Variants in TNRC6A observed in about 807,000 individuals in gnomAD.
TNRC6A encodes trinucleotide repeat containing adaptor 6A.
Under a neutral mutation model 221.2 loss-of-function variants are expected in TNRC6A, and 44 were observed. The ratio of observed to expected loss-of-function variants is 0.20; its 90% CI spans 0.16 to 0.26. The LOEUF (loss-of-function observed/expected upper bound fraction) is 0.26, where lower values mean the gene tolerates loss of function less well. Ranked by LOEUF, TNRC6A falls within the 10% of genes least tolerant of loss-of-function variation. The pLI, the probability that TNRC6A is intolerant of heterozygous loss-of-function variation, is 1.00. For missense variants in TNRC6A, 2,199 were observed against 2,404.4 expected, an observed-to-expected ratio of 0.91 and a Z score of 1.79; for synonymous variants, 847 against 838.5, an observed-to-expected ratio of 1.01 and a Z score of -0.18.
At chr16:24,647,483 G>A (rs1188464521) in intron 2 of TNRC6A, among the ~76,000 whole-genome samples, 1 of 151,938 alleles carries the variant, frequency 6.6e-6, no homozygotes, top group Non-Finnish European at 1.5e-5. Flanking sequence ...TTCTCATTGT[G>A]GTAAAATATA....
At chr16:24,685,571 T>A (rs2142085305) in intron 2 of TNRC6A, among the ~76,000 whole-genome samples, 1 of 152,320 alleles carries the variant, frequency 6.6e-6, no homozygotes, top group Admixed American at 6.5e-5. Flanking sequence ...ACTCCTGGAC[T>A]CAAGCGATCT....
intron 2 of TNRC6A, among the ~76,000 whole-genome samples, chr16:24,683,679 G>A (rs942160403): frequency 5.9e-5 from 9 of 152,156 alleles, no homozygotes; most frequent in Non-Finnish European, 1.0e-4. Context: ...TTCTGCCACC[G>A]ACTAGCTGTG....
intron 1 of TNRC6A, 24 bp from the exon 2 acceptor site, chr16:24,730,229 T>G (rs1161258780): frequency 1.8e-5 from 29 of 1,597,978 alleles, no homozygotes; most frequent in Non-Finnish European, 2.2e-5. Flanking sequence ...TTGTTTTGTT[T>G]TTGTTTTTGT....
chr16:24,636,952 A>G lies in TNRC6A; in HGVS notation n.277-3932A>G, dbSNP rs143475781. ...TTCATGGCTGTGGTATAGATATTAC[A>G]GTAAGAGAGCCATACCTGGGGCCCC... On this transcript the variant is annotated intron_variant and non_coding_transcript_variant, in intron 1 of 2. Transcript: ENST00000566108. Among the ~76,000 whole-genome samples the G allele has an allele frequency of 1.3e-3, 204 of 152,310 alleles. 1 individual carries two copies. Among genetic ancestry groups the G allele is most frequent in the African/African-American group, 4.6e-3 (191 of 41,578 alleles).
chr16:24,807,138 T>C (rs754706190), intron 17 of TNRC6A, among the ~76,000 whole-genome samples: 3 of 152,052 alleles, frequency 2.0e-5, no homozygotes, highest in Non-Finnish European at 4.4e-5. Flanking sequence ...CCCGAGTAGC[T>C]GGGATTACAG....
chr16:24,625,384 C>T (rs949837063), intron 1 of TNRC6A, among the ~76,000 whole-genome samples: 3 of 152,134 alleles, frequency 2.0e-5, no homozygotes, highest in East Asian at 3.9e-4. Flanking sequence ...GAGGCCAAGG[C>T]GGGCGGATCA....
At chr16:24,782,873 CA>C (rs1207460507) in intron 5 of TNRC6A, among the ~76,000 whole-genome samples, 1 of 151,404 alleles carries the variant, frequency 6.6e-6, no homozygotes, top group Non-Finnish European at 1.5e-5. Context: ...CTCCGTCTGA[CA>C]AAAAAAAGAG....
At chr16:24,720,985 G>T (rs1227883844) in intron 2 of TNRC6A, among the ~76,000 whole-genome samples, 1 of 152,236 alleles carries the variant, frequency 6.6e-6, no homozygotes, top group East Asian at 1.9e-4. Flanking sequence ...AACCCGGGAG[G>T]TGGAGCTTGC....
At chr16:24,611,338 G>T (rs573161914) in intron 1 of TNRC6A, among the ~76,000 whole-genome samples, 4 of 152,122 alleles carry the variant, frequency 2.6e-5, no homozygotes, top group South Asian at 4.1e-4. Context: ...CCCAGTTCCC[G>T]CTGTGTGTAC....
chr16:24,776,911 C>G (rs1313037148), intron 4 of TNRC6A, 22 bp from the exon 5 acceptor site: 1 of 1,596,138 alleles, frequency 6.3e-7, no homozygotes, highest in Non-Finnish European at 8.6e-7. Flanking sequence ...CTTTTCCACC[C>G]CTTTTCTTTT....
intron 3 of TNRC6A, among the ~76,000 whole-genome samples, chr16:24,756,807 T>C (rs1418468899): frequency 6.6e-6 from 1 of 152,176 alleles, no homozygotes; most frequent in African/African-American, 2.4e-5. Context: ...GGTTTTTATG[T>C]GGTCATTGTT....
intron 5 of TNRC6A, chr16:24,778,603 C>A: frequency 1.9e-6 from 1 of 526,276 alleles, no homozygotes; most frequent in Non-Finnish European, 2.4e-6. Flanking sequence ...ATCTGACCTT[C>A]TTTGCTAATC....
At position 24,671,116 on chromosome 16, in the gene TNRC6A, C is replaced by A. The variant is rs572262266; in HGVS notation, n.402+30107C>A. The A allele has an allele frequency of 4.5e-4, 110 of 243,430 alleles. 2 individuals carry two copies. Among genetic ancestry groups the A allele is most frequent in the South Asian group, 3.9e-3 (108 of 27,776 alleles). The allele number at this position is 243,430 out of a possible 1,614,324, so 15.1% of individuals were successfully genotyped here. On this transcript the variant is annotated intron_variant and non_coding_transcript_variant, in intron 2 of 2. Transcript: ENST00000566108. ...CGCCAAGGTCACCCACCACCAGCAC[C>A]AGCAATGACGAAGCACCCGCCTGCT...
At chr16:24,799,398 G>A (rs567338007) in intron 11 of TNRC6A, among the ~76,000 whole-genome samples, 2 of 152,276 alleles carry the variant, frequency 1.3e-5, no homozygotes. Context: ...ACGCAACTCT[G>A]TATTTCTGCT....
At chr16:24,648,925 G>A (rs957381487) in intron 2 of TNRC6A, among the ~76,000 whole-genome samples, 1 of 152,028 alleles carries the variant, frequency 6.6e-6, no homozygotes, top group African/African-American at 2.4e-5. Flanking sequence ...AGTTGCAACT[G>A]TCATCCATCA....
chr16:24,819,632 A>C (rs2152102228), intron 21 of TNRC6A: 1 of 169,772 alleles, frequency 5.9e-6, no homozygotes, highest in African/African-American at 2.4e-5. Flanking sequence ...AGACTGTGTC[A>C]GGACCACAGA....
chr16:24,650,128 G>A (rs1665911031), intron 2 of TNRC6A, among the ~76,000 whole-genome samples: 1 of 150,928 alleles, frequency 6.6e-6, no homozygotes, highest in South Asian at 2.1e-4. Context: ...CCAGCCTCCA[G>A]TCTCTTAATT....
chr16:24,656,353 G>T (rs2054911230), intron 2 of TNRC6A, among the ~76,000 whole-genome samples: 1 of 151,386 alleles, frequency 6.6e-6, no homozygotes, highest in African/African-American at 2.4e-5. Context: ...TGTAATCCCA[G>T]CTACACAGGA....
At chr16:24,696,115 G>A (rs566203829) in intron 2 of TNRC6A, among the ~76,000 whole-genome samples, 154 of 152,070 alleles carry the variant, frequency 1.0e-3, no homozygotes, top group Non-Finnish European at 1.8e-3. Context: ...TTGGGAGGCC[G>A]AGGCGGGTGG....
Sources: allele counts gnomAD v4.1 joint callset (sites outside exome capture counted in the v4.1 genomes callset), GRCh38; gene constraint gnomAD v4.1.1; transcripts MANE v1.5; gene names NCBI Gene and HGNC (gene_info 2026-07-23, HGNC 2026-07-21).